KIF21B: variants seen among roughly 807,000 people sequenced by gnomAD.
KIF21B encodes kinesin-like protein KIF21B.
KIF21B carries 85 observed loss-of-function variants against 192.9 expected under a neutral mutation model. The observed-to-expected ratio is 0.44, with a 90% confidence interval of 0.37 to 0.53. The LOEUF (loss-of-function observed/expected upper bound fraction) is 0.53, where lower values mean the gene tolerates loss of function less well. Among genes scored for constraint, KIF21B ranks in the 20% least tolerant of loss-of-function variants. KIF21B has a pLI of 0.00. For synonymous variants in KIF21B, 832 were observed against 884.6 expected (o/e 0.94, Z 1.05); for missense variants, 1,716 against 2,194.8 (o/e 0.78, Z 4.36).
chr1:201,002,177 C>G lies in KIF21B; in HGVS notation c.1386G>C (p.Leu462=), dbSNP rs778941202. The change falls in exon 9 of 35, where the codon CTG becomes CTC. Residue 462 remains leucine (L), a synonymous_variant. Coordinates refer to ENST00000461742, the MANE Select transcript of KIF21B (RefSeq NM_001252102.2). ...CCAACTCACCGGCCTTGGCTAGCAG[C>G]AGGTTGGCCTCCTGGCTCATGAGCT... The part of the protein sequence containing the change: ...VTQLMSQEAN[L]LLAKAGDGNE... 1 of 1,614,084 alleles carries G rather than the reference C, an allele frequency of 6.2e-7. No individual in the cohort carries two copies. Among genetic ancestry groups the G allele is most frequent in the South Asian group, 1.1e-5 (1 of 91,084 alleles).
Position 200,999,344 on chromosome 1 carries a change from C to T in KIF21B, c.1885+5G>A, listed in dbSNP as rs1338626964. 7 of 1,614,106 alleles carry T rather than the reference C, an allele frequency of 4.3e-6. No homozygotes were observed. The highest frequency in any genetic ancestry group is 1.6e-4 in the Middle Eastern group (1 of 6,062). ...CCCCACAGCCCACAGCTCAGGCCCA[C>T]GCACCCTTCTCCTCGGGGTCTGAGT... On this transcript the variant is annotated splice_donor_5th_base_variant and intron_variant, in intron 13 of 34. Coordinates refer to ENST00000461742, the MANE Select transcript of KIF21B (RefSeq NM_001252102.2). This position sits in a 1 kb window ranked among gnomAD's most constrained non-coding sequence, Gnocchi z 4.7.
rs1655145143 is a variant in KIF21B at position 200,970,154 on chromosome 1, G to C, written c.*3367C>G. The C allele has an allele frequency of 6.5e-6, 1 of 152,906 alleles. No homozygotes were observed. The highest frequency in any genetic ancestry group is 2.1e-4 in the South Asian group (1 of 4,834). The allele number at this position is 152,906 out of a possible 1,614,324, so 9.5% of individuals were successfully genotyped here. ...GGATGCCCCCCAGAGCTGAGAGCTA[G>C]CAGGGCAAAGAAGTGTTATGTTCCC... On this transcript the variant is annotated 3_prime_UTR_variant, in exon 35 of 35. Coordinates refer to ENST00000461742, the MANE Select transcript of KIF21B (RefSeq NM_001252102.2).
In KIF21B at chr1:201,003,569, C is replaced by G; in HGVS notation, c.1212+17G>C. The G allele has an allele frequency of 6.2e-7, 1 of 1,612,596 alleles. No homozygotes were observed. The highest frequency in any genetic ancestry group is 8.5e-7 in the Non-Finnish European group (1 of 1,179,728). Reference sequence around the variant, plus strand: ...GCTCCAAGGGGAGTGCTGGGCAATGCCCAGGAGCATGCTCACCGCCTTATA... The same window carrying G: ...GCTCCAAGGGGAGTGCTGGGCAATGGCCAGGAGCATGCTCACCGCCTTATA... On this transcript the variant is annotated intron_variant, in intron 8 of 34. Coordinates refer to ENST00000461742, the MANE Select transcript of KIF21B (RefSeq NM_001252102.2).
chr1:201,008,304 G>A (rs1460483199), intron 3 of KIF21B, among the ~76,000 whole-genome samples: 1 of 152,174 alleles, frequency 6.6e-6, no homozygotes, highest in Non-Finnish European at 1.5e-5. Context: ...TGGGGTCAGA[G>A]AAGACTCAGG....
intron 34 of KIF21B, 110 bp from the exon 35 acceptor site, chr1:200,973,688 G>A: frequency 1.3e-6 from 2 of 1,505,030 alleles, no homozygotes; most frequent in South Asian, 2.5e-5. Context: ...CCCAAATGTG[G>A]TTGGGGCTGG....
At chr1:201,006,627 A>G (rs1403696201) in intron 3 of KIF21B, among the ~76,000 whole-genome samples, 3 of 152,170 alleles carry the variant, frequency 2.0e-5, no homozygotes, top group Non-Finnish European at 2.9e-5. Flanking sequence ...GACACACACT[A>G]TCATTTGACC....
chr1:201,011,680 C>T (rs112891222), intron 1 of KIF21B, among the ~76,000 whole-genome samples: 1,610 of 152,352 alleles, frequency 0.011, 17 homozygotes, highest in Middle Eastern at 0.024. Flanking sequence ...CTAAGCACTT[C>T]CTCTCAGAGC....
At chr1:201,022,407 C>A (rs117599611) in intron 1 of KIF21B, among the ~76,000 whole-genome samples, 11 of 152,286 alleles carry the variant, frequency 7.2e-5, no homozygotes, top group African/African-American at 2.2e-4. Flanking sequence ...GGCACTCTGC[C>A]GCCAAGACAC....
intron 9 of KIF21B, among the ~76,000 whole-genome samples, chr1:201,001,122 A>G (rs1417323083): frequency 6.6e-6 from 1 of 151,976 alleles, no homozygotes; most frequent in Non-Finnish European, 1.5e-5. Context: ...AAAAAAAAAA[A>G]AAAAAGATAA....
intron 1 of KIF21B, among the ~76,000 whole-genome samples, chr1:201,020,308 T>TTCTCC: frequency 6.6e-6 from 1 of 152,160 alleles, no homozygotes; most frequent in East Asian, 1.9e-4. Flanking sequence ...AGCTACCCCT[T>TTCTCC]TCTCGCCCCA....
chr1:200,973,657 T>G, intron 34 of KIF21B, 79 bp from the exon 35 acceptor site: 1 of 1,511,510 alleles, frequency 6.6e-7, no homozygotes, highest in South Asian at 1.2e-5. Context: ...AAGTAGAGGA[T>G]GAACTGGATT....
intron 26 of KIF21B, 85 bp from the exon 27 acceptor site, chr1:200,985,057 C>T (rs1188976704): frequency 2.3e-6 from 2 of 881,136 alleles, no homozygotes; most frequent in Admixed American, 2.9e-5. Context: ...CACCTTCTGC[C>T]TTGTGAGGCC....
At position 200,982,972 on chromosome 1, in the gene KIF21B, G is replaced by T; in HGVS notation, c.3842+84C>A. On this transcript the variant is annotated intron_variant, in intron 28 of 34. Coordinates refer to ENST00000461742, the MANE Select transcript of KIF21B (RefSeq NM_001252102.2). This position sits in a 1 kb window ranked among gnomAD's most constrained non-coding sequence, Gnocchi z 4.7. ...CATGCTGAGGACACGGGTGTCAGGC[G>T]GGAGGGATGCAGCAAGAGACAGAGA... 1 of 1,275,880 alleles carries T rather than the reference G, an allele frequency of 7.8e-7. No homozygotes were observed. Among genetic ancestry groups the T allele is most frequent in the Non-Finnish European group, 1.1e-6 (1 of 910,718 alleles). 79.0% of individuals were successfully genotyped at this position (1,275,880 alleles called of 1,614,324 possible).
In KIF21B at chr1:201,017,368, C is replaced by T. The variant is rs2102362; in HGVS notation, c.41+5975G>A. 9.8e-5 allele frequency among the ~76,000 whole-genome samples: 15 copies of T among 152,292 alleles called. No homozygotes were observed. Among genetic ancestry groups the T allele is most frequent in the Admixed American group, 3.9e-4 (6 of 15,304 alleles). ...AGCCAGGAACTTCCTGGGCCAGGGTCGGACTCCTCCATCTCTGGGGCCTGG... is the reference window on the plus strand; with the variant it reads ...AGCCAGGAACTTCCTGGGCCAGGGTTGGACTCCTCCATCTCTGGGGCCTGG... On this transcript the variant is annotated intron_variant, in intron 1 of 34. Transcript: ENST00000461742. This position sits in a 1 kb window ranked among gnomAD's most constrained non-coding sequence, Gnocchi z 4.1.
chr1:200,996,617 G>A (rs758034332), intron 14 of KIF21B, among the ~76,000 whole-genome samples: 17 of 152,150 alleles, frequency 1.1e-4, no homozygotes, highest in Non-Finnish European at 1.9e-4. Context: ...GTAATGGGCA[G>A]GGGTGTTTTC....
chr1:201,004,582 G>GT (rs1017243329), intron 6 of KIF21B, 127 bp from the exon 7 acceptor site: 7 of 1,125,360 alleles, frequency 6.2e-6, no homozygotes, highest in Non-Finnish European at 7.8e-6. Flanking sequence ...CCTTGGGTGG[G>GT]TTTATAGGCA....
intron 26 of KIF21B, among the ~76,000 whole-genome samples, chr1:200,986,074 T>C (rs995252240): frequency 4.0e-5 from 6 of 151,766 alleles, no homozygotes; most frequent in African/African-American, 1.5e-4. Context: ...CTTGAACTCC[T>C]GAGCTCAGAC....
chr1:201,005,127 A>C (rs1657731703), intron 5 of KIF21B, among the ~76,000 whole-genome samples, 181 bp downstream of exon 5: 1 of 152,280 alleles, frequency 6.6e-6, no homozygotes, highest in African/African-American at 2.4e-5. Flanking sequence ...ACCACGATAC[A>C]GAGATCATTA....
rs559720049 is a variant in KIF21B, at chr1:200,994,400, G to A, written c.2277+1796C>T. Among the ~76,000 whole-genome samples, 13 of 143,874 alleles carry A rather than the reference G, an allele frequency of 9.0e-5. No homozygotes were observed. The East Asian group carries it at 1.9e-3, about 21-fold the overall frequency. 94.4% of individuals were successfully genotyped at this position (143,874 alleles called of 152,430 possible). A position where few individuals can be genotyped will look rare whatever the true frequency, so the allele number is the denominator to read the frequency against. ...CTCACAGTGTCTGATTTGAATCCTC[G>A]GCTGCTGCACCTTCTGTCCCTCCAA... On this transcript the variant is annotated intron_variant, in intron 15 of 34. Coordinates refer to ENST00000461742, the MANE Select transcript of KIF21B (RefSeq NM_001252102.2).
Sources: allele counts gnomAD v4.1 joint callset (sites outside exome capture counted in the v4.1 genomes callset), GRCh38; gene constraint gnomAD v4.1.1; non-coding constraint Gnocchi (gnomAD v3.1); transcripts MANE v1.5; gene names NCBI Gene and HGNC (gene_info 2026-07-23, HGNC 2026-07-21).